KLHL1: variants seen among roughly 807,000 people sequenced by gnomAD.
KLHL1 encodes kelch like family member 1, also known as kelch-like protein 1.
In KLHL1, 47 loss-of-function variants were observed where a neutral mutation model predicts 77.7. That is an observed-to-expected ratio of 0.60 (90% CI 0.48 to 0.77). KLHL1 has a LOEUF of 0.77. Among genes scored for constraint, KLHL1 ranks in the 30% least tolerant of loss-of-function variants. The pLI is 0.00. For missense variants in KLHL1, 925 were observed against 910.8 expected (o/e 1.02, Z -0.20); for synonymous variants, 360 against 325.2 (o/e 1.11, Z -1.15).
chr13:69,989,435 T>G (rs778906672), intron 1 of KLHL1, among the ~76,000 whole-genome samples: 14 of 152,034 alleles, frequency 9.2e-5, no homozygotes, highest in Admixed American at 7.2e-4. Flanking sequence ...AGAATAGTTT[T>G]GAGTATTCAG....
At chr13:69,951,398 G>T (rs1318591214) in intron 3 of KLHL1, among the ~76,000 whole-genome samples, 1 of 151,418 alleles carries the variant, frequency 6.6e-6, no homozygotes, top group Non-Finnish European at 1.5e-5. Context: ...AACTTCTACT[G>T]GCCAGATTTT....
chr13:70,088,422 G>A (rs1407241680), intron 1 of KLHL1, among the ~76,000 whole-genome samples: 2 of 152,172 alleles, frequency 1.3e-5, no homozygotes, highest in Admixed American at 1.3e-4. Context: ...GCTTACACCT[G>A]TAATTTCAAC....
intron 7 of KLHL1, among the ~76,000 whole-genome samples, chr13:69,780,778 CAT>C (rs1202918915): frequency 9.4e-5 from 12 of 127,068 alleles, no homozygotes; most frequent in Non-Finnish European, 1.5e-4. Context: ...TTATATATAA[CAT>C]ATATATTTAA....
chr13:69,894,957 T>C, intron 4 of KLHL1: 1 of 470,072 alleles, frequency 2.1e-6, no homozygotes, highest in East Asian at 5.5e-5. Flanking sequence ...TGTCTACAAA[T>C]GACAGAATGC....
At chr13:70,015,745 T>C (rs1885641652) in intron 1 of KLHL1, among the ~76,000 whole-genome samples, 1 of 152,192 alleles carries the variant, frequency 6.6e-6, no homozygotes. Flanking sequence ...TTAGGTGTAT[T>C]AAATGAATTT....
intron 1 of KLHL1, among the ~76,000 whole-genome samples, chr13:70,057,394 A>C (rs920316080): frequency 3.3e-5 from 5 of 150,824 alleles, no homozygotes; most frequent in Non-Finnish European, 7.4e-5. Flanking sequence ...AATTCCAAAA[A>C]CTATAAGGAG....
At chr13:69,912,435 C>T (rs1424346807) in intron 4 of KLHL1, among the ~76,000 whole-genome samples, 1 of 152,212 alleles carries the variant, frequency 6.6e-6, no homozygotes, top group Non-Finnish European at 1.5e-5. Flanking sequence ...CTTTGCACTA[C>T]TCCTTGCAAT....
chr13:69,858,469 T>C (rs991360337), intron 5 of KLHL1, among the ~76,000 whole-genome samples: 2 of 152,074 alleles, frequency 1.3e-5, no homozygotes, highest in African/African-American at 4.8e-5. Context: ...AAAAATTAAA[T>C]TACTTTTCTC....
At chr13:70,037,244 C>A (rs1471612709) in intron 1 of KLHL1, among the ~76,000 whole-genome samples, 5 of 151,972 alleles carry the variant, frequency 3.3e-5, no homozygotes, top group Admixed American at 6.6e-5. Flanking sequence ...GTGGTAAAGT[C>A]TCTCAGCTTT....
rs61964242 is a variant in KLHL1, at chr13:70,047,399, T to C, written c.497+59804A>G. The stretch of plus-strand genomic sequence containing the variant: ...GAATTAGTGCAAAATGGAAATCTGT[T>C]TGTGTGTGTGTGTGTGTGTGTATAA... On this transcript the variant is annotated intron_variant, in intron 1 of 10. Coordinates refer to ENST00000377844, the MANE Select transcript of KLHL1 (RefSeq NM_020866.3). 2.0e-5 allele frequency among the ~76,000 whole-genome samples: 3 copies of C among 149,776 alleles called. No individual in the cohort carries two copies. In the South Asian group the frequency reaches 6.3e-4, roughly 32 times the overall value.
In KLHL1 at chr13:69,819,833, TTC is replaced by T. The variant is rs202184877; in HGVS notation, c.1414+19141_1414+19142del. Among the ~76,000 whole-genome samples the T allele has an allele frequency of 9.4e-3, 1,428 of 152,302 alleles. 21 individuals are homozygous for T. Among genetic ancestry groups the T allele is most frequent in the African/African-American group, 0.033 (1,359 of 41,572 alleles). On this transcript the variant is annotated intron_variant, in intron 6 of 10. Transcript: ENST00000377844. ...GTGATAATAAAATTTTATTATTATT[TTC>T]TCTGTTTTGGCTCCAAAGATCAGTT...
At chr13:69,827,646 C>T (rs1319643586) in intron 6 of KLHL1, among the ~76,000 whole-genome samples, 2 of 149,230 alleles carry the variant, frequency 1.3e-5, no homozygotes, top group Non-Finnish European at 1.5e-5. Flanking sequence ...AGGGGAATCT[C>T]GTGAACCCCA....
At chr13:70,075,569 G>GTGTA (rs761519216) in intron 1 of KLHL1, among the ~76,000 whole-genome samples, 5,043 of 106,498 alleles carry the variant, frequency 0.047, 212 homozygotes, top group African/African-American at 0.097. Flanking sequence ...GTGTGTATGT[G>GTGTA]TATATATATA....
intron 1 of KLHL1, among the ~76,000 whole-genome samples, chr13:70,083,328 A>G (rs905693446): frequency 2.0e-5 from 3 of 152,208 alleles, no homozygotes; most frequent in Non-Finnish European, 4.4e-5. Flanking sequence ...AGTCAAATGC[A>G]TGTTCTTATT....
At chr13:70,093,499 C>T (rs1474730836) in intron 1 of KLHL1, among the ~76,000 whole-genome samples, 6 of 152,060 alleles carry the variant, frequency 3.9e-5, no homozygotes, top group African/African-American at 1.4e-4. Flanking sequence ...AATTCCTAAG[C>T]ACTTTAAAGA....
chr13:69,966,289 A>G lies in KLHL1; in HGVS notation c.681-4845T>C, dbSNP rs190136664. On this transcript the variant is annotated intron_variant, in intron 2 of 10. Transcript: ENST00000377844. The stretch of plus-strand genomic sequence containing the variant: ...CACCAGTGAGTTTAAATAGAAGCCA[A>G]TTCTCATTACCATTCTGAAAATCCT... Among the ~76,000 whole-genome samples, 198 of 152,290 alleles carry G rather than the reference A, an allele frequency of 1.3e-3. 1 individual carries two copies. Among genetic ancestry groups the G allele is most frequent in the African/African-American group, 3.5e-3 (145 of 41,570 alleles).
chr13:69,840,093 T>A (rs572914958), intron 5 of KLHL1, among the ~76,000 whole-genome samples: 1 of 137,454 alleles, frequency 7.3e-6, no homozygotes, highest in Non-Finnish European at 1.7e-5. Flanking sequence ...GTTCATTGAA[T>A]GAATAAAAAT....
intron 6 of KLHL1, among the ~76,000 whole-genome samples, chr13:69,797,881 T>A (rs1027053542): frequency 1.3e-5 from 2 of 151,832 alleles, no homozygotes; most frequent in African/African-American, 4.8e-5. Flanking sequence ...TATAAAATGA[T>A]CTTCTATCCT....
chr13:70,000,965 G>A, intron 1 of KLHL1, among the ~76,000 whole-genome samples: 1 of 149,918 alleles, frequency 6.7e-6, no homozygotes, highest in Non-Finnish European at 1.5e-5. Flanking sequence ...ATATTAATAA[G>A]ATCAATGATG....
Sources: allele counts gnomAD v4.1 joint callset (sites outside exome capture counted in the v4.1 genomes callset), GRCh38; gene constraint gnomAD v4.1.1; transcripts MANE v1.5; gene names NCBI Gene and HGNC (gene_info 2026-07-23, HGNC 2026-07-21).